Variants in TRIM25 observed in about 807,000 individuals in gnomAD.
TRIM25 encodes the protein tripartite motif containing 25, also known as E3 ubiquitin/ISG15 ligase TRIM25.
In TRIM25, 45 loss-of-function variants were observed where a neutral mutation model predicts 65.2. The observed-to-expected ratio is 0.69, with a 90% CI of 0.54 to 0.89. The LOEUF (loss-of-function observed/expected upper bound fraction) is 0.89, where lower values mean the gene tolerates loss of function less well. TRIM25 is among the 40% of genes least tolerant of loss of function. TRIM25 has a pLI of 0.00. For missense variants in TRIM25, 714 were observed against 803.7 expected, an observed-to-expected ratio of 0.89 and a Z score of 1.35; for synonymous variants, 321 against 340.4, an observed-to-expected ratio of 0.94 and a Z score of 0.63.
intron 1 of TRIM25, among the ~76,000 whole-genome samples, chr17:56,911,531 G>A (rs1389688128): frequency 6.7e-6 from 1 of 149,094 alleles, no homozygotes; most frequent in Non-Finnish European, 1.5e-5. Context: ...AGTGAGCCGA[G>A]ACCGCACCAC....
chr17:56,904,496 G>A lies in TRIM25; in HGVS notation c.694-8C>T, dbSNP rs1436587864. ...CTTTCTGTTTGCAGTCATCTGAGAG[G>A]GCCAAGGTAAGAGGATGCCCGTCAA... On this transcript the variant is annotated splice_polypyrimidine_tract_variant and splice_region_variant and intron_variant, in intron 2 of 8. Transcript: ENST00000316881. The A allele has an allele frequency of 6.2e-7, 1 of 1,613,480 alleles. No homozygotes were observed. The highest frequency in any genetic ancestry group is 8.5e-7 in the Non-Finnish European group (1 of 1,179,668).
chr17:56,904,644 A>G (rs1184258717), intron 2 of TRIM25, among the ~76,000 whole-genome samples, 156 bp from the exon 3 acceptor site: 1 of 152,190 alleles, frequency 6.6e-6, no homozygotes, highest in Admixed American at 6.5e-5. Flanking sequence ...TATCTAATAA[A>G]TTTGGAGGTG....
At chr17:56,909,803 T>A (rs1909592830) in intron 1 of TRIM25, among the ~76,000 whole-genome samples, 1 of 151,964 alleles carries the variant, frequency 6.6e-6, no homozygotes, top group South Asian at 2.1e-4. Flanking sequence ...GCTAATATCC[T>A]CATCTGATTT....
chr17:56,912,846 T>C (rs1286769113), intron 1 of TRIM25: 1 of 152,032 alleles, frequency 6.6e-6, no homozygotes, highest in Non-Finnish European at 1.5e-5. Context: ...CTAAACACCA[T>C]CAGATGGTGG....
chr17:56,909,329 G>A (rs1437973135), intron 1 of TRIM25, among the ~76,000 whole-genome samples: 15 of 152,136 alleles, frequency 9.9e-5, no homozygotes, highest in Non-Finnish European at 1.8e-4. Flanking sequence ...TCACAGGGCA[G>A]GGAGACAGAA....
intron 2 of TRIM25, among the ~76,000 whole-genome samples, chr17:56,908,267 A>G (rs1252261492): frequency 6.6e-6 from 1 of 152,120 alleles, no homozygotes; most frequent in Non-Finnish European, 1.5e-5. Flanking sequence ...AGTTGGGCTT[A>G]TAGGTAATTT....
At position 56,903,736 on chromosome 17, in the gene TRIM25, G is replaced by A. The variant is rs1909459369; in HGVS notation, c.927+519C>T. ...CAATTGATTTTGAGTTCATCAAAGG[G>A]CAATTATCTGGGGTGGGCCTGACTT... On this transcript the variant is annotated intron_variant, in intron 3 of 8. Coordinates refer to ENST00000316881, the MANE Select transcript of TRIM25 (RefSeq NM_005082.5). 1.3e-5 allele frequency among the ~76,000 whole-genome samples: 2 copies of A among 152,208 alleles called. 1 individual carries two copies. The highest frequency in any genetic ancestry group is 4.1e-4 in the South Asian group (2 of 4,820).
At chr17:56,904,210 CAAAAAAA>C (rs79061333) in intron 3 of TRIM25, 38 bp downstream of exon 3, 2 of 1,284,926 alleles carry the variant, frequency 1.6e-6, no homozygotes, top group Non-Finnish European at 2.1e-6. Flanking sequence ...TGACATCAGG[CAAAAAAA>C]AAAAAAAAAC....
chr17:56,899,156 G>T lies in TRIM25; in HGVS notation c.1112C>A (p.Ala371Glu). Reference protein sequence around the residue: ...SSGDPGEHDPASTHKSTRPVK... With the variant: ...SSGDPGEHDPESTHKSTRPVK... ...AGGGCGTGTGGATTTGTGTGTGGAC[G>T]CTGGGTCATGCTCTCCAGGGTCACC... The change falls in exon 5 of 9, where the codon GCG (alanine) becomes GAG (glutamate). Residue 371 changes from alanine to glutamate, a missense_variant. Ala to Glu is a moderately radical substitution (Grantham distance 107, BLOSUM62 -1). This residue lies in a region of TRIM25 where 413 missense variants were observed against 498.2 expected (regional missense o/e 0.83). Coordinates refer to ENST00000316881, the MANE Select transcript of TRIM25 (RefSeq NM_005082.5). 6.2e-7 allele frequency: 1 copy of T among 1,614,036 alleles called. No homozygotes were observed. Among genetic ancestry groups the T allele is most frequent in the East Asian group, 2.2e-5 (1 of 44,870 alleles).
At position 56,897,748 on chromosome 17, in the gene TRIM25, T is replaced by C. The variant is rs1267431757; in HGVS notation, c.1153+1367A>G. On this transcript the variant is annotated intron_variant, in intron 5 of 8. Coordinates refer to ENST00000316881, the MANE Select transcript of TRIM25 (RefSeq NM_005082.5). ...ACACCTGCCTGCTGGCCGGCATCCC[T>C]ACCTCATTCATACTAAGGGAGGAGC... 2.0e-5 allele frequency among the ~76,000 whole-genome samples: 3 copies of C among 152,206 alleles called. No homozygotes were observed. In the East Asian group the frequency reaches 5.8e-4, roughly 29 times the overall value.
rs150950834 is a variant in TRIM25, at chr17:56,901,076, C to A, written c.1087+343G>T. Among the ~76,000 whole-genome samples, 219 of 152,230 alleles carry A rather than the reference C, an allele frequency of 1.4e-3. 1 individual carries two copies. The highest frequency in any genetic ancestry group is 5.0e-3 in the African/African-American group (207 of 41,516). On this transcript the variant is annotated intron_variant, in intron 4 of 8. Transcript: ENST00000316881. ...GGTGTCAAAGAGGAATTCTAGATTT[C>A]TCCCCCAAACGGGCCATTCCCCCAC...
chr17:56,890,826 T>C lies in TRIM25; in HGVS notation c.*874A>G, dbSNP rs114488274. The C allele has an allele frequency of 2.9e-3, 1,309 of 456,548 alleles. 19 individuals are homozygous for C. The highest frequency in any genetic ancestry group is 0.022 in the African/African-American group (1,083 of 50,108). The allele number at this position is 456,548 out of a possible 1,614,324, so 28.3% of individuals were successfully genotyped here. ...GATCCAGGGCAGCATCCCCCTCGCCTGGCAGAGTTCCTTGCCCCACAGCCA... is the reference window on the plus strand; with the variant it reads ...GATCCAGGGCAGCATCCCCCTCGCCCGGCAGAGTTCCTTGCCCCACAGCCA... On this transcript the variant is annotated 3_prime_UTR_variant, in exon 9 of 9. Transcript: ENST00000316881.
rs1410694519 is a variant in TRIM25 at position 56,904,281 on chromosome 17, T to C, written c.901A>G (p.Lys301Glu). The C allele has an allele frequency of 6.2e-7, 1 of 1,614,024 alleles. No homozygotes were observed. Among genetic ancestry groups the C allele is most frequent in the African/African-American group, 1.3e-5 (1 of 74,980 alleles). The change falls in exon 3 of 9, where the codon AAG becomes GAG. Residue 301 changes from lysine (K) to glutamate (E), a missense_variant. Physicochemically the swap from Lys to Glu is moderately conservative, Grantham distance 56 (BLOSUM62 1). Transcript: ENST00000316881. ...LKEEIEQSLT[K>E]RDEFEFLEKA... is the part of the protein sequence containing the mutation. ...TCCAGAAACTCGAACTCATCCCTCT[T>C]GGTCAGGCTCTGTTCAATCTCCTCC...
At chr17:56,909,684 CAAA>C (rs34148848) in intron 1 of TRIM25, among the ~76,000 whole-genome samples, 12 of 124,580 alleles carry the variant, frequency 9.6e-5, no homozygotes, top group Non-Finnish European at 6.7e-5. Context: ...GACCCTGTCT[CAAA>C]AAAAAAAAAA....
intron 1 of TRIM25, chr17:56,912,800 C>A (rs990524677): frequency 6.6e-6 from 1 of 152,194 alleles, no homozygotes; most frequent in Non-Finnish European, 1.5e-5. Flanking sequence ...ACAGAGGTAA[C>A]CTCCAACGTT....
rs758384926 is a variant in TRIM25, at chr17:56,904,248, G to A, written c.927+7C>T. 6.9e-6 allele frequency: 11 copies of A among 1,591,520 alleles called. No individual in the cohort carries two copies. Among genetic ancestry groups the A allele is most frequent in the East Asian group, 4.5e-5 (2 of 44,712 alleles). On this transcript the variant is annotated splice_region_variant and intron_variant, in intron 3 of 8. Transcript: ENST00000316881. ...AAAACATTCAACAATGCCTTGTGGC[G>A]ACCTACCTCCAGAAACTCGAACTCA... is the stretch of plus-strand genomic sequence containing the variant.
chr17:56,913,757 G>T lies in TRIM25; in HGVS notation c.232C>A (p.Gln78Lys). 6 of 1,547,932 alleles carry T rather than the reference G, an allele frequency of 3.9e-6. No individual in the cohort carries two copies. Among genetic ancestry groups the T allele is most frequent in the Non-Finnish European group, 5.2e-6 (6 of 1,145,716 alleles). ...GGTGGCTCCCGGGCCAGGTCGGCCT[G>T]CAGGAACTGCTCCACCACGTTGCAC... ...VLCNVVEQFL[Q>K]ADLAREPPAD... The change falls in exon 1 of 9, where the codon CAG (glutamine) becomes AAG (lysine). Residue 78 changes from glutamine to lysine, a missense_variant. Coordinates refer to ENST00000316881, the MANE Select transcript of TRIM25 (RefSeq NM_005082.5). The surrounding 1 kb of genome is among the most constrained non-coding windows in gnomAD (Gnocchi z 6.1).
chr17:56,897,006 A>G (rs1909307434), intron 5 of TRIM25, among the ~76,000 whole-genome samples: 1 of 151,244 alleles, frequency 6.6e-6, no homozygotes, highest in Non-Finnish European at 1.5e-5. Flanking sequence ...CTAACTCCTC[A>G]AGAGGCTAAG....
At position 56,890,168 on chromosome 17, in the gene TRIM25, G is replaced by A. The variant is rs578247079; in HGVS notation, c.*1532C>T. ...TTTTCATATTATAGGAAGCCTGACA[G>A]GAGCTCTCCTCTAAGCAAAGCCCAG... On this transcript the variant is annotated 3_prime_UTR_variant, in exon 9 of 9. Coordinates refer to ENST00000316881, the MANE Select transcript of TRIM25 (RefSeq NM_005082.5). 3.9e-4 allele frequency: 106 copies of A among 270,282 alleles called. 1 individual carries two copies. The highest frequency in any genetic ancestry group is 2.1e-3 in the African/African-American group (94 of 45,172). The allele number at this position is 270,282 out of a possible 1,614,324, so 16.7% of individuals were successfully genotyped here.
Sources: gnomAD v4.1 joint callset for allele counts (sites outside exome capture counted in the v4.1 genomes callset) on GRCh38, gnomAD v4.1.1 for gene constraint, gnomAD v4.1.1 regional missense constraint, Gnocchi (gnomAD v3.1) non-coding constraint, MANE v1.5 for transcripts, NCBI Gene and HGNC (gene_info 2026-07-23, HGNC 2026-07-21) for gene names.